The following GPR83 variants were observed in gnomAD, a reference collection of about 807,000 sequenced individuals.
GPR83 encodes the protein G-protein coupled receptor 72.
A neutral mutation model predicts 28.0 loss-of-function variants in GPR83; 23 were observed. The observed-to-expected ratio is 0.82, with a 90% CI of 0.59 to 1.16. The LOEUF (loss-of-function observed/expected upper bound fraction) is 1.16, where lower values mean the gene tolerates loss of function less well. Ranked by LOEUF, GPR83 falls within the 50% of genes most tolerant of loss-of-function variation. The pLI, the probability that GPR83 is intolerant of heterozygous loss-of-function variation, is 0.00. For missense variants in GPR83, 610 were observed against 536.6 expected, an observed-to-expected ratio of 1.14 and a Z score of -1.35; for synonymous variants, 234 against 215.4, an observed-to-expected ratio of 1.09 and a Z score of -0.76.
rs1195878044 is a variant in GPR83, at chr11:94,380,501, G to T, written c.920C>A (p.Pro307His). 2 of 1,614,064 alleles carry T rather than the reference G, an allele frequency of 1.2e-6. No homozygotes were observed. The highest frequency in any genetic ancestry group is 3.3e-5 in the Admixed American group (2 of 60,004). ...VVVLFALCWFPLNCYVLLLSS... is the reference protein window; with the variant it reads ...VVVLFALCWFHLNCYVLLLSS... Reference sequence around the variant, plus strand: ...CAGGAGGAGGACGTAGCAGTTGAGGGGGAACCAGCAGAGGGCAAAGAGGAC... The same window carrying T: ...CAGGAGGAGGACGTAGCAGTTGAGGTGGAACCAGCAGAGGGCAAAGAGGAC... Residue 307 changes from proline to histidine, a missense_variant, in exon 4 of 4, where the codon CCC (proline) becomes CAC (histidine). Pro to His is a moderately conservative substitution (Grantham distance 77, BLOSUM62 -2). Transcript: ENST00000243673.
intron 3 of GPR83, among the ~76,000 whole-genome samples, chr11:94,389,333 T>A (rs1204728899): frequency 2.0e-5 from 3 of 152,178 alleles, no homozygotes; most frequent in Admixed American, 6.5e-5. Flanking sequence ...TGGGATCTAA[T>A]TAAACTAAAG....
intron 3 of GPR83, among the ~76,000 whole-genome samples, chr11:94,391,546 G>A (rs1256415373): frequency 6.6e-6 from 1 of 152,140 alleles, no homozygotes; most frequent in Non-Finnish European, 1.5e-5. Flanking sequence ...CCTACAGAAT[G>A]GGACAAAATT....
At chr11:94,400,837 G>A in intron 1 of GPR83, 24 bp downstream of exon 1, 1 of 1,607,306 alleles carries the variant, frequency 6.2e-7, no homozygotes, top group Non-Finnish European at 8.5e-7. Flanking sequence ...CAGAAGGTGG[G>A]GCGGCAGGCA....
In GPR83 at chr11:94,378,574, T is replaced by A. The variant is rs1413739471; in HGVS notation, c.*1575A>T. ...CAAGTTAGACCCTTAAGAATTGAGA[T>A]CTCTTAAGGATGCATAAGTTTCTGT... On this transcript the variant is annotated 3_prime_UTR_variant, in exon 4 of 4. Coordinates refer to ENST00000243673, the MANE Select transcript of GPR83 (RefSeq NM_016540.4). 1 of 152,524 alleles carries A rather than the reference T, an allele frequency of 6.6e-6. No individual in the cohort carries two copies. Among genetic ancestry groups the A allele is most frequent in the African/African-American group, 2.4e-5 (1 of 41,446 alleles). 9.4% of individuals were successfully genotyped at this position (152,524 alleles called of 1,614,324 possible). A position where few individuals can be genotyped will look rare whatever the true frequency, so the allele number is the denominator to read the frequency against.
chr11:94,380,079 G>T lies in GPR83; in HGVS notation c.*70C>A, dbSNP rs747976780. 8.1e-7 allele frequency: 1 copy of T among 1,241,134 alleles called. No individual in the cohort carries two copies. The highest frequency in any genetic ancestry group is 1.1e-6 in the Non-Finnish European group (1 of 900,790). 76.9% of individuals were successfully genotyped at this position (1,241,134 alleles called of 1,614,324 possible). A position where few individuals can be genotyped will look rare whatever the true frequency, so the allele number is the denominator to read the frequency against. ...GTTTCCAGCACTCTGAAGATCATGT[G>T]TGAGAATAGGCTCTCTTTCCCTGCC... is the stretch of plus-strand genomic sequence containing the variant. On this transcript the variant is annotated 3_prime_UTR_variant, in exon 4 of 4. Transcript: ENST00000243673.
At chr11:94,388,877 G>T (rs1487333435) in intron 3 of GPR83, among the ~76,000 whole-genome samples, 1 of 152,118 alleles carries the variant, frequency 6.6e-6, no homozygotes, top group Non-Finnish European at 1.5e-5. Flanking sequence ...TCAATCCTAA[G>T]GCAAAAGAAC....
chr11:94,393,752 G>A, intron 2 of GPR83, 134 bp from the exon 3 acceptor site: 1 of 738,522 alleles, frequency 1.4e-6, no homozygotes, highest in Non-Finnish European at 2.3e-6. Flanking sequence ...CTTGAGCCCA[G>A]GAGTTCTAGA....
chr11:94,393,616 G>A lies in GPR83; in HGVS notation c.516C>T (p.Val172=), dbSNP rs201101741. The stretch of plus-strand genomic sequence containing the variant: ...TCCGGGGTTTCAAGGGGTGCATGAT[G>A]ACCTGGAAAACAAGCAAACCACATC... ...LTAIAVDRHQ[V]IMHPLKPRIS... The change falls in exon 3 of 4, where the codon GTC becomes GTT. Residue 172 remains valine (V), a splice_region_variant and synonymous_variant. Transcript: ENST00000243673. 2.7e-5 allele frequency: 43 copies of A among 1,613,884 alleles called. No individual in the cohort carries two copies. The highest frequency in any genetic ancestry group is 3.6e-5 in the Non-Finnish European group (43 of 1,179,900).
intron 3 of GPR83, among the ~76,000 whole-genome samples, chr11:94,387,246 C>G (rs1197873783): frequency 1.3e-5 from 2 of 151,992 alleles, no homozygotes; most frequent in South Asian, 2.1e-4. Context: ...AAATTGACAC[C>G]CTAACATCAC....
chr11:94,401,135 G>T lies in GPR83; in HGVS notation c.113C>A (p.Ala38Asp). ...SAEAALAVPN[A>D]SHFFSWNNYT... ...GTTGTTCCAAGAGAAGAAGTGCGAG[G>T]CATTGGGCACGGCCAGGGCCGCCTC... The change falls in exon 1 of 4, where the codon GCC becomes GAC. Residue 38 changes from alanine to aspartate, a missense_variant. By Grantham distance (126) the Ala-to-Asp change is moderately radical. Coordinates refer to ENST00000243673, the MANE Select transcript of GPR83 (RefSeq NM_016540.4). The T allele has an allele frequency of 1.2e-6, 2 of 1,614,214 alleles. No homozygotes were observed. The highest frequency in any genetic ancestry group is 1.7e-6 in the Non-Finnish European group (2 of 1,180,030).
chr11:94,381,397 C>T (rs951693020), intron 3 of GPR83, among the ~76,000 whole-genome samples: 1 of 151,972 alleles, frequency 6.6e-6, no homozygotes, highest in Non-Finnish European at 1.5e-5. Flanking sequence ...AAAAAAAGTC[C>T]TCCGTGTGGA....
intron 3 of GPR83, among the ~76,000 whole-genome samples, chr11:94,381,579 G>GTGTGTGTGCA (rs1554991066): frequency 9.6e-6 from 1 of 103,926 alleles, no homozygotes; most frequent in South Asian, 3.0e-4. Context: ...GTGTGTGTGT[G>GTGTGTGTGCA]CGCGCGTGCT....
At chr11:94,392,709 C>T (rs773459491) in intron 3 of GPR83, among the ~76,000 whole-genome samples, 1 of 151,786 alleles carries the variant, frequency 6.6e-6, no homozygotes, top group Non-Finnish European at 1.5e-5. Context: ...GCCTGTAATC[C>T]CAGCTACTTG....
At chr11:94,381,271 C>G (rs1944684552) in intron 3 of GPR83, among the ~76,000 whole-genome samples, 1 of 152,084 alleles carries the variant, frequency 6.6e-6, no homozygotes, top group African/African-American at 2.4e-5. Flanking sequence ...GGAATGCACC[C>G]CAGTCCTCTT....
chr11:94,400,226 T>C (rs1944898059), intron 1 of GPR83, among the ~76,000 whole-genome samples: 1 of 152,124 alleles, frequency 6.6e-6, no homozygotes, highest in Non-Finnish European at 1.5e-5. Flanking sequence ...TTCAGGGGCA[T>C]TGATTTACTG....
Position 94,400,900 on chromosome 11 carries a change from G to A in GPR83, c.348C>T (p.Ala116=). The A allele has an allele frequency of 1.9e-6, 3 of 1,614,120 alleles. No individual in the cohort carries two copies. The highest frequency in any genetic ancestry group is 2.5e-6 in the Non-Finnish European group (3 of 1,179,990). The stretch of plus-strand genomic sequence containing the variant: ...TGTTGAGCAGCGTGATCATTATGTC[G>A]GCAACTGCCAGGTTGACGATGAAGA... ...TSLFIVNLAV[A]DIMITLLNTP... is the part of the protein sequence containing the mutation. Residue 116 remains alanine, a synonymous_variant, in exon 1 of 4, where the codon GCC becomes GCT. Coordinates refer to ENST00000243673, the MANE Select transcript of GPR83 (RefSeq NM_016540.4).
chr11:94,395,511 A>C (rs1177022162), intron 2 of GPR83, among the ~76,000 whole-genome samples: 1 of 152,200 alleles, frequency 6.6e-6, no homozygotes, highest in Non-Finnish European at 1.5e-5. Flanking sequence ...CACCATTCAC[A>C]GGCACATGAT....
chr11:94,385,138 C>G (rs1265399168), intron 3 of GPR83, among the ~76,000 whole-genome samples: 1 of 152,128 alleles, frequency 6.6e-6, no homozygotes, highest in Non-Finnish European at 1.5e-5. Flanking sequence ...GCTGAGGGTC[C>G]CGACTGTTAG....
intron 3 of GPR83, among the ~76,000 whole-genome samples, chr11:94,387,930 A>C (rs1252598533): frequency 6.6e-6 from 1 of 152,188 alleles, no homozygotes; most frequent in East Asian, 1.9e-4. Context: ...CCTCAATACA[A>C]TACTGGCAAA....
Sources: allele counts gnomAD v4.1 joint callset (sites outside exome capture counted in the v4.1 genomes callset), GRCh38; gene constraint gnomAD v4.1.1; transcripts MANE v1.5; gene names NCBI Gene and HGNC (gene_info 2026-07-23, HGNC 2026-07-21).